EPS15L1: variants seen among roughly 807,000 people sequenced by gnomAD.
The protein encoded by EPS15L1 is epidermal growth factor receptor substrate 15-like 1.
EPS15L1 carries 43 observed loss-of-function variants against 117.1 expected under a neutral mutation model. The observed-to-expected ratio is 0.37, with a 90% CI of 0.29 to 0.47. EPS15L1 has a LOEUF of 0.47. Among genes scored for constraint, EPS15L1 ranks in the 20% least tolerant of loss-of-function variants. The pLI, the probability that EPS15L1 is intolerant of heterozygous loss-of-function variation, is 0.99. For synonymous variants in EPS15L1, 459 were observed against 470.5 expected (o/e 0.98, Z 0.32); for missense variants, 981 against 1,164.0 (o/e 0.84, Z 2.29).
intron 18 of EPS15L1, among the ~76,000 whole-genome samples, chr19:16,393,659 A>AAAT (rs2092507217): frequency 6.7e-6 from 1 of 149,818 alleles, no homozygotes; most frequent in African/African-American, 2.4e-5. Flanking sequence ...AAAAAAAAAA[A>AAAT]AAATAAAAAA....
intron 6 of EPS15L1, among the ~76,000 whole-genome samples, chr19:16,436,141 G>A (rs113826134): frequency 1.1e-4 from 17 of 152,252 alleles, no homozygotes; most frequent in African/African-American, 3.8e-4. Context: ...CCCCCACCCA[G>A]CCCATGACCT....
rs577694824 is a variant in EPS15L1 at position 16,459,234 on chromosome 19, C to A, written c.33+12679G>T. On this transcript the variant is annotated intron_variant, in intron 1 of 23. Transcript: ENST00000455140. ...GGGGCCGCTGCCTGCTGCAGGCCAA[C>A]GCCCTGCTCTAAGATGACCCTAGGT... Among the ~76,000 whole-genome samples, 18 of 152,278 alleles carry A rather than the reference C, an allele frequency of 1.2e-4. 1 individual carries two copies. The highest frequency in any genetic ancestry group is 4.3e-4 in the African/African-American group (18 of 41,562).
At chr19:16,397,023 C>T (rs979646397) in intron 16 of EPS15L1, among the ~76,000 whole-genome samples, 4 of 152,080 alleles carry the variant, frequency 2.6e-5, no homozygotes, top group Admixed American at 2.0e-4. Context: ...TGTGAATATA[C>T]CTAACACTAC....
At chr19:16,455,041 AT>A (rs2093181502) in intron 1 of EPS15L1, among the ~76,000 whole-genome samples, 1 of 151,920 alleles carries the variant, frequency 6.6e-6, no homozygotes, top group Non-Finnish European at 1.5e-5. Flanking sequence ...AGGCAGGAGA[AT>A]TGCTTGAACT....
rs2093345994 is a variant in EPS15L1 at position 16,471,512 on chromosome 19, G to A, written c.33+401C>T. ...TCCGGGCTCCGGCGGGACCCTGCCCGCCCGGGCGCCGGGACCGGAGGGAGA... is the reference window on the plus strand; with the variant it reads ...TCCGGGCTCCGGCGGGACCCTGCCCACCCGGGCGCCGGGACCGGAGGGAGA... On this transcript the variant is annotated intron_variant, in intron 1 of 23. Transcript: ENST00000455140. The surrounding 1 kb of genome is among the most constrained non-coding windows in gnomAD (Gnocchi z 4.8). Among the ~76,000 whole-genome samples, 5 of 152,256 alleles carry A rather than the reference G, an allele frequency of 3.3e-5. No homozygotes were observed. In the South Asian group the frequency reaches 1.0e-3, roughly 32 times the overall value.
chr19:16,388,873 A>G lies in EPS15L1; in HGVS notation c.2104-2642T>C, dbSNP rs559611018. ...ACAAAAACTCTTCTCATTAAGGACA[A>G]TGGAGGCTGGAAGGCAGTGGAAAAA... On this transcript the variant is annotated intron_variant, in intron 19 of 23. Coordinates refer to ENST00000455140, the MANE Select transcript of EPS15L1 (RefSeq NM_001258374.3). Among the ~76,000 whole-genome samples, 55 of 152,228 alleles carry G rather than the reference A, an allele frequency of 3.6e-4. No homozygotes were observed. In the South Asian group the frequency reaches 3.9e-3, roughly 11 times the overall value.
chr19:16,410,652 G>A (rs1423761389), intron 13 of EPS15L1, among the ~76,000 whole-genome samples: 1 of 152,232 alleles, frequency 6.6e-6, no homozygotes. Context: ...GCTCATGCCT[G>A]TAATCCCAGC....
Position 16,355,354 on chromosome 19 carries a change from T to G in EPS15L1, c.*351A>C, listed in dbSNP as rs1170112680. 11 of 268,814 alleles carry G rather than the reference T, an allele frequency of 4.1e-5. No homozygotes were observed. The highest frequency in any genetic ancestry group is 2.4e-4 in the African/African-American group (11 of 46,088). 16.7% of individuals were successfully genotyped at this position (268,814 alleles called of 1,614,324 possible). A position where few individuals can be genotyped will look rare whatever the true frequency, so the allele number is the denominator to read the frequency against. On this transcript the variant is annotated 3_prime_UTR_variant, in exon 24 of 24. Transcript: ENST00000455140. Reference sequence around the variant, plus strand: ...TGATGCGTGGGAGGGCGGGTGGGGATGTCTGCAGCTATGAGTAGGGAGGAG... The same window carrying G: ...TGATGCGTGGGAGGGCGGGTGGGGAGGTCTGCAGCTATGAGTAGGGAGGAG...
In EPS15L1 at chr19:16,440,831, C is replaced by T. The variant is rs760376128; in HGVS notation, c.213+31G>A. On this transcript the variant is annotated intron_variant, in intron 4 of 23. Coordinates refer to ENST00000455140, the MANE Select transcript of EPS15L1 (RefSeq NM_001258374.3). ...CCAGCCTGGGGGCTCTGCCCAGCCC[C>T]TCCATTTGCTCTGTGTACATGTGTA... The T allele has an allele frequency of 2.5e-6, 4 of 1,611,950 alleles. No individual in the cohort carries two copies. The African/African-American group carries it at 4.0e-5, about 16-fold the overall frequency.
At chr19:16,388,219 T>C (rs559475928) in intron 19 of EPS15L1, among the ~76,000 whole-genome samples, 4 of 152,210 alleles carry the variant, frequency 2.6e-5, no homozygotes, top group Admixed American at 2.0e-4. Flanking sequence ...ATTTTTGTAT[T>C]AGTAGAGACG....
At chr19:16,410,471 C>T (rs1394766556) in intron 13 of EPS15L1, among the ~76,000 whole-genome samples, 2 of 152,172 alleles carry the variant, frequency 1.3e-5, no homozygotes, top group Non-Finnish European at 2.9e-5. Flanking sequence ...TCAACAGTTA[C>T]CATGTGGCCC....
rs2092961455 is a variant in EPS15L1, at chr19:16,434,625, T to C, written c.373-135A>G. ...CTTGGCTAAAAGCACAAAATGATCT[T>C]AGAACAGTCTTGGCCCCTTGGTTTC... On this transcript the variant is annotated intron_variant, in intron 6 of 23. Coordinates refer to ENST00000455140, the MANE Select transcript of EPS15L1 (RefSeq NM_001258374.3). 9.7e-6 allele frequency: 9 copies of C among 928,628 alleles called. No homozygotes were observed. The South Asian group carries it at 1.3e-4, about 13-fold the overall frequency. The allele number at this position is 928,628 out of a possible 1,614,324, so 57.5% of individuals were successfully genotyped here.
chr19:16,452,840 AAGCTGG>A (rs1378483540), intron 1 of EPS15L1, among the ~76,000 whole-genome samples: 1 of 151,772 alleles, frequency 6.6e-6, no homozygotes, highest in Non-Finnish European at 1.5e-5. Context: ...TCTGTCCCCC[AAGCTGG>A]AGCGCAGTGG....
At chr19:16,459,938 C>T (rs970843227) in intron 1 of EPS15L1, among the ~76,000 whole-genome samples, 21 of 152,228 alleles carry the variant, frequency 1.4e-4, no homozygotes, top group African/African-American at 4.6e-4. Flanking sequence ...TAGCCATTTG[C>T]TCTCTCAACT....
At chr19:16,391,588 A>G (rs1342311281) in intron 19 of EPS15L1, among the ~76,000 whole-genome samples, 1 of 150,356 alleles carries the variant, frequency 6.7e-6, no homozygotes, top group Admixed American at 6.6e-5. Flanking sequence ...CGCTCACTCC[A>G]TCATGAACAT....
intron 9 of EPS15L1, among the ~76,000 whole-genome samples, chr19:16,423,386 C>A (rs1398526242): frequency 6.6e-6 from 1 of 152,048 alleles, no homozygotes; most frequent in East Asian, 1.9e-4. Context: ...CATAACACAG[C>A]AAGACCCCAT....
chr19:16,437,833 A>G lies in EPS15L1; in HGVS notation c.246T>C (p.Cys82=). Residue 82 remains cysteine (C), a synonymous_variant, in exon 5 of 24, where the codon TGT becomes TGC. Transcript: ENST00000455140. Reference sequence around the variant, plus strand: ...AGGTAACTTCATGGCCACTCTGTGCACAGGCCACCAGTCTCAGTGCAACAT... The same window carrying G: ...AGGTAACTTCATGGCCACTCTGTGCGCAGGCCACCAGTCTCAGTGCAACAT... ...GFYVALRLVA[C]AQSGHEVTLS... 1.2e-6 allele frequency: 2 copies of G among 1,614,152 alleles called. No homozygotes were observed. The highest frequency in any genetic ancestry group is 1.7e-6 in the Non-Finnish European group (2 of 1,180,000).
rs2092634700 is a variant in EPS15L1, at chr19:16,404,467, A to C, written c.1428+121T>G. 7 of 1,122,446 alleles carry C rather than the reference A, an allele frequency of 6.2e-6. No individual in the cohort carries two copies. The South Asian group carries it at 1.0e-4, about 17-fold the overall frequency. 69.5% of individuals were successfully genotyped at this position (1,122,446 alleles called of 1,614,324 possible). A position where few individuals can be genotyped will look rare whatever the true frequency, so the allele number is the denominator to read the frequency against. ...CACTTTTCCACGTGGTGTTTGGAGG[A>C]ACTCTATTGACCCAGTAGGATGTCT... On this transcript the variant is annotated intron_variant, in intron 14 of 23. Transcript: ENST00000455140. The surrounding 1 kb of genome is among the most constrained non-coding windows in gnomAD (Gnocchi z 4.2).
chr19:16,376,251 C>G (rs139109371), intron 22 of EPS15L1, among the ~76,000 whole-genome samples: 6 of 152,156 alleles, frequency 3.9e-5, no homozygotes, highest in African/African-American at 7.2e-5. Context: ...CGTCCCAGAC[C>G]GGGGCACAGA....
Sources: allele counts gnomAD v4.1 joint callset (sites outside exome capture counted in the v4.1 genomes callset), GRCh38; gene constraint gnomAD v4.1.1; non-coding constraint Gnocchi (gnomAD v3.1); transcripts MANE v1.5; gene names NCBI Gene and HGNC (gene_info 2026-07-23, HGNC 2026-07-21).